KNTC1: variants seen among roughly 807,000 people sequenced by gnomAD.
The protein encoded by KNTC1 is kinetochore associated 1, also known as kinetochore-associated protein 1.
A neutral mutation model predicts 314.4 loss-of-function variants in KNTC1; 253 were observed. That is an observed-to-expected ratio of 0.80 (90% CI 0.73 to 0.89). The LOEUF is 0.89. Ranked by LOEUF, KNTC1 falls within the 40% of genes least tolerant of loss-of-function variation. The pLI, the probability that KNTC1 is intolerant of heterozygous loss-of-function variation, is 0.00. For missense variants in KNTC1, 2,475 were observed against 2,572.9 expected, an observed-to-expected ratio of 0.96 and a Z score of 0.82; for synonymous variants, 901 against 901.4, an observed-to-expected ratio of 1.00 and a Z score of 0.01.
Position 122,609,407 on chromosome 12 carries a change from T to G in KNTC1, c.5520T>G (p.Leu1840=), listed in dbSNP as rs1872877734. Residue 1840 remains leucine (L), a synonymous_variant, in exon 52 of 64, where the codon CTT becomes CTG. Coordinates refer to ENST00000333479, the MANE Select transcript of KNTC1 (RefSeq NM_014708.6). ...AGAAACCATCAGAATTATTTGAACT[T>G]CAAGAAGATGAAGCCCTACGAAGGT... ...PGEKPSELFE[L]QEDEALRRVQ... The G allele has an allele frequency of 1.3e-6, 2 of 1,586,940 alleles. No individual in the cohort carries two copies. Among genetic ancestry groups the G allele is most frequent in the South Asian group, 2.3e-5 (2 of 86,296 alleles).
At position 122,557,393 on chromosome 12, in the gene KNTC1, A is replaced by C; in HGVS notation, c.1282A>C (p.Lys428Gln). The C allele has an allele frequency of 6.2e-7, 1 of 1,612,162 alleles. No homozygotes were observed. Among genetic ancestry groups the C allele is most frequent in the Non-Finnish European group, 8.5e-7 (1 of 1,179,086 alleles). The change falls in exon 17 of 64, where the codon AAG becomes CAG. Residue 428 changes from lysine (K) to glutamine (Q), a missense_variant. Transcript: ENST00000333479. ...CGTGTTTATATTACAGCTTGTTTACAAGGTCAAGTCAAATCATATATTGGA... is the reference window on the plus strand; with the variant it reads ...CGTGTTTATATTACAGCTTGTTTACCAGGTCAAGTCAAATCATATATTGGA... Reference protein sequence around the residue: ...QFGLDVELVYKVKSNHILEKL... With the variant: ...QFGLDVELVYQVKSNHILEKL...
intron 51 of KNTC1, among the ~76,000 whole-genome samples, chr12:122,605,806 A>C (rs576557168): frequency 2.0e-5 from 3 of 152,016 alleles, no homozygotes; most frequent in African/African-American, 7.3e-5. Context: ...AGCCTCTCAA[A>C]GTGCTGGGAT....
rs2138002707 is a variant in KNTC1 at position 122,584,615 on chromosome 12, T to C, written c.3436+165T>C. ...AATTGATTCTCTTTGAGGATTATTG[T>C]TTGAAAGTATTTCAAAATACTAACA... On this transcript the variant is annotated intron_variant, in intron 35 of 63. Transcript: ENST00000333479. 2.6e-5 allele frequency among the ~76,000 whole-genome samples: 4 copies of C among 152,332 alleles called. No individual in the cohort carries two copies. The Middle Eastern group carries it at 0.014, about 518-fold the overall frequency.
At chr12:122,582,599 T>C in intron 33 of KNTC1, 106 bp from the exon 34 acceptor site, 1 of 1,066,732 alleles carries the variant, frequency 9.4e-7, no homozygotes, top group Non-Finnish European at 1.3e-6. Context: ...TACCCCTGAA[T>C]CTAAAATAAA....
chr12:122,605,244 T>C, intron 50 of KNTC1, 62 bp from the exon 51 acceptor site: 3 of 1,160,402 alleles, frequency 2.6e-6, no homozygotes, highest in South Asian at 1.4e-5. Context: ...CATACACATA[T>C]AAGTATTCAA....
intron 63 of KNTC1, 43 bp downstream of exon 63, chr12:122,624,731 TTA>T (rs1358222397): frequency 7.2e-7 from 1 of 1,393,496 alleles, no homozygotes; most frequent in Non-Finnish European, 1.0e-6. Context: ...TTGACATTGT[TTA>T]TATTCCTAGG....
chr12:122,585,755 A>G lies in KNTC1; in HGVS notation c.3654A>G (p.Ser1218=), dbSNP rs746526191. ...TTCCAGTGATTTATGAACTGATTTC[A>G]TCTCTTGTGCCTCTAGCTGGTAAGT... ...MVLPVIYELI[S]SLVPLAESKR... Residue 1218 remains serine (S), a synonymous_variant, in exon 37 of 64, where the codon TCA becomes TCG. Transcript: ENST00000333479. 2.5e-6 allele frequency: 4 copies of G among 1,613,550 alleles called. No homozygotes were observed. The African/African-American group carries it at 4.0e-5, about 16-fold the overall frequency.
chr12:122,541,838 G>C (rs1014360491), intron 5 of KNTC1, among the ~76,000 whole-genome samples: 1 of 151,012 alleles, frequency 6.6e-6, no homozygotes, highest in Middle Eastern at 3.4e-3. Context: ...GGCCAACATG[G>C]TGAAACCCTG....
chr12:122,541,942 G>A (rs1484362448), intron 5 of KNTC1, 108 bp from the exon 6 acceptor site: 6 of 1,050,006 alleles, frequency 5.7e-6, no homozygotes, highest in Non-Finnish European at 5.2e-6. Context: ...TTGCACCCTA[G>A]AGGCGGAGGT....
intron 20 of KNTC1, among the ~76,000 whole-genome samples, chr12:122,563,412 A>T (rs1472899597): frequency 1.3e-5 from 2 of 152,168 alleles, no homozygotes; most frequent in African/African-American, 2.4e-5. Context: ...ATTACTATTT[A>T]ACAGTAATAA....
intron 42 of KNTC1, 57 bp from the exon 43 acceptor site, chr12:122,594,215 TACTC>T: frequency 2.2e-6 from 2 of 924,290 alleles, no homozygotes; most frequent in East Asian, 4.8e-5. Context: ...ATGTTGCCCT[TACTC>T]TGATACATTT....
At chr12:122,570,486 C>A in intron 22 of KNTC1, among the ~76,000 whole-genome samples, 1 of 145,466 alleles carries the variant, frequency 6.9e-6, no homozygotes. Context: ...TGAGATCCAG[C>A]ATGGGTGATG....
At chr12:122,537,969 C>CA (rs1356062645) in intron 3 of KNTC1, among the ~76,000 whole-genome samples, 3 of 142,068 alleles carry the variant, frequency 2.1e-5, no homozygotes, top group African/African-American at 7.4e-5. Context: ...CTCGTCTGTA[C>CA]AAAAAATACC....
chr12:122,570,614 G>A (rs1964623440), intron 22 of KNTC1, among the ~76,000 whole-genome samples: 1 of 151,882 alleles, frequency 6.6e-6, no homozygotes, highest in African/African-American at 2.4e-5. Flanking sequence ...AGTGTAATTG[G>A]ATTGTTTGTA....
chr12:122,542,657 C>G (rs1243312698), intron 6 of KNTC1, among the ~76,000 whole-genome samples: 1 of 151,798 alleles, frequency 6.6e-6, no homozygotes, highest in South Asian at 2.1e-4. Flanking sequence ...CCCAGCTAGT[C>G]GGGAAGCTGA....
chr12:122,610,373 C>A (rs914443746), intron 52 of KNTC1, among the ~76,000 whole-genome samples: 10 of 152,206 alleles, frequency 6.6e-5, no homozygotes, highest in Non-Finnish European at 1.2e-4. Flanking sequence ...AGCTCTGCCC[C>A]ACCCCTCCTC....
chr12:122,602,784 A>AT (rs752412327), intron 46 of KNTC1, 44 bp downstream of exon 46: 21 of 1,609,872 alleles, frequency 1.3e-5, no homozygotes, highest in Non-Finnish European at 1.7e-5. Flanking sequence ...GGATAGCCAA[A>AT]TTTTTTTTCT....
chr12:122,529,973 C>T lies in KNTC1; in HGVS notation c.-73-18C>T. The T allele has an allele frequency of 7.3e-7, 1 of 1,363,502 alleles. No individual in the cohort carries two copies. The highest frequency in any genetic ancestry group is 9.9e-7 in the Non-Finnish European group (1 of 1,011,284). The allele number at this position is 1,363,502 out of a possible 1,614,324, so 84.5% of individuals were successfully genotyped here. On this transcript the variant is annotated intron_variant, in intron 1 of 63. Transcript: ENST00000333479. ...TAAGCTTTATCATTTCCCAAGGAAC[C>T]AGGTTCTATGCAACAAGATAATATG...
chr12:122,624,627 A>AAT lies in KNTC1; in HGVS notation c.6548_6549dup (p.Ser2184IlefsTer19). On this transcript the variant is annotated frameshift_variant, in exon 63 of 64. Transcript: ENST00000333479. LOFTEE classifies it high-confidence loss of function. ...GATGAAGCTTCAGTCTTGATAACTG[A>AAT]ATATTCAAAGCACTGCGGGAAACCT... 6.2e-7 allele frequency: 1 copy of AAT among 1,613,392 alleles called. No homozygotes were observed. The highest frequency in any genetic ancestry group is 1.7e-5 in the Admixed American group (1 of 60,000).
Sources: allele counts gnomAD v4.1 joint callset (sites outside exome capture counted in the v4.1 genomes callset), GRCh38; gene constraint gnomAD v4.1.1; transcripts MANE v1.5; gene names NCBI Gene and HGNC (gene_info 2026-07-23, HGNC 2026-07-21).